TPRG1: variants seen among roughly 807,000 people sequenced by gnomAD.
TPRG1 encodes the protein tumor protein p63-regulated gene 1 protein.
A neutral mutation model predicts 29.3 loss-of-function variants in TPRG1; 29 were observed. The ratio of observed to expected loss-of-function variants is 0.99; its 90% CI spans 0.74 to 1.35. The LOEUF is 1.35. Ranked by LOEUF, TPRG1 falls within the 40% of genes most tolerant of loss-of-function variation. The probability of loss-of-function intolerance (pLI) is 0.00; values close to 1 mark genes in which losing one functional copy is unlikely to be tolerated. For synonymous variants in TPRG1, 130 were observed against 116.8 expected, an observed-to-expected ratio of 1.11 and a Z score of -0.73; for missense variants, 327 against 335.0, an observed-to-expected ratio of 0.98 and a Z score of 0.19.
At chr3:189,174,272 C>T (rs998542487) in intron 1 of TPRG1, among the ~76,000 whole-genome samples, 8 of 152,060 alleles carry the variant, frequency 5.3e-5, no homozygotes, top group Non-Finnish European at 8.8e-5. Flanking sequence ...AAAACTAGTT[C>T]CAAAGTATTT....
chr3:189,144,075 C>G (rs541099464), intron 3 of TPRG1, among the ~76,000 whole-genome samples: 1 of 152,300 alleles, frequency 6.6e-6, no homozygotes, highest in African/African-American at 2.4e-5. Context: ...ACATGTTTTA[C>G]TACGATTTTA....
At chr3:189,074,373 T>C (rs1717001336) in intron 4 of TPRG1, among the ~76,000 whole-genome samples, 1 of 151,718 alleles carries the variant, frequency 6.6e-6, no homozygotes, top group Non-Finnish European at 1.5e-5. Context: ...GCCCGGCTAA[T>C]TTTTTGTATT....
Position 189,129,126 on chromosome 3 carries a change from T to G in TPRG1, c.-590+1916T>G, listed in dbSNP as rs140864295. Among the ~76,000 whole-genome samples, 1,020 of 152,298 alleles carry G rather than the reference T, an allele frequency of 6.7e-3. 5 individuals carry two copies. Among genetic ancestry groups the G allele is most frequent in the Non-Finnish European group, 0.012 (811 of 68,018 alleles). ...ATGGACTTTATACATATTTCATCAATTTTTTCACAAATGTCCTTTCTTATT... is the reference window on the plus strand; with the variant it reads ...ATGGACTTTATACATATTTCATCAAGTTTTTCACAAATGTCCTTTCTTATT... On this transcript the variant is annotated intron_variant, in intron 2 of 6. Coordinates refer to the TPRG1 transcript ENST00000412373.
intron 3 of TPRG1, among the ~76,000 whole-genome samples, chr3:189,225,201 G>A (rs1217852221): frequency 1.3e-5 from 2 of 152,170 alleles, no homozygotes; most frequent in Non-Finnish European, 2.9e-5. Context: ...AAAGTGCTGG[G>A]ATTACAGGCG....
chr3:189,260,559 G>T (rs748069291), intron 4 of TPRG1, among the ~76,000 whole-genome samples: 5 of 152,190 alleles, frequency 3.3e-5, no homozygotes, highest in African/African-American at 4.8e-5. Flanking sequence ...GGAAAATATT[G>T]TTGCTGTCAC....
At chr3:189,058,866 A>C (rs776335599) in intron 4 of TPRG1, among the ~76,000 whole-genome samples, 1 of 152,190 alleles carries the variant, frequency 6.6e-6, no homozygotes, top group Non-Finnish European at 1.5e-5. Flanking sequence ...TATATTAACT[A>C]TAAGGCATAC....
At chr3:189,115,095 G>A (rs535048701) in intron 1 of TPRG1, among the ~76,000 whole-genome samples, 5 of 152,226 alleles carry the variant, frequency 3.3e-5, no homozygotes, top group South Asian at 2.1e-4. Flanking sequence ...AGAGGTTGTG[G>A]TTGTATTGTG....
chr3:189,158,353 A>C lies in TPRG1; in HGVS notation c.-10+7481A>C, dbSNP rs562067657. On this transcript the variant is annotated intron_variant, in intron 5 of 6. Coordinates refer to the TPRG1 transcript ENST00000412373. The stretch of plus-strand genomic sequence containing the variant: ...GCTGGGCGCGGTGGCTCACACCTGT[A>C]ATACCAGCACTTTGGGAGGCCAAGG... Among the ~76,000 whole-genome samples the C allele has an allele frequency of 4.6e-5, 7 of 152,254 alleles. No individual in the cohort carries two copies. In the South Asian group the frequency reaches 1.2e-3, roughly 27 times the overall value.
At chr3:189,129,087 C>G (rs549239405) in intron 2 of TPRG1, among the ~76,000 whole-genome samples, 3 of 152,328 alleles carry the variant, frequency 2.0e-5, no homozygotes, top group East Asian at 1.9e-4. Flanking sequence ...AACTTTAGTA[C>G]TATTCACTAA....
intron 1 of TPRG1, among the ~76,000 whole-genome samples, chr3:189,194,863 T>C (rs1232837832): frequency 2.6e-5 from 4 of 152,116 alleles, no homozygotes; most frequent in African/African-American, 9.7e-5. Flanking sequence ...ATCTGAGCCC[T>C]GGAGCTGGGC....
intron 1 of TPRG1, among the ~76,000 whole-genome samples, chr3:189,000,026 T>C (rs556685170): frequency 3.9e-5 from 6 of 152,280 alleles, no homozygotes; most frequent in East Asian, 3.9e-4. Flanking sequence ...TAGCCAAATT[T>C]GGATACTATA....
At chr3:189,141,072 G>A (rs1027096251) in intron 3 of TPRG1, among the ~76,000 whole-genome samples, 3 of 152,190 alleles carry the variant, frequency 2.0e-5, no homozygotes, top group African/African-American at 4.8e-5. Context: ...TTAACAAATA[G>A]CAGTTTTCAG....
chr3:189,141,309 T>C (rs1578506213), intron 3 of TPRG1, among the ~76,000 whole-genome samples: 1 of 152,302 alleles, frequency 6.6e-6, no homozygotes, highest in East Asian at 1.9e-4. Flanking sequence ...TCCTCCAACA[T>C]TTAAAGGGCA....
At chr3:189,187,636 T>G (rs1731127313) in intron 1 of TPRG1, among the ~76,000 whole-genome samples, 1 of 152,174 alleles carries the variant, frequency 6.6e-6, no homozygotes, top group Non-Finnish European at 1.5e-5. Flanking sequence ...TCTTATACTG[T>G]CCTGTAAGAT....
chr3:188,999,465 G>C (rs80229237), intron 1 of TPRG1, among the ~76,000 whole-genome samples: 269 of 152,332 alleles, frequency 1.8e-3, no homozygotes, highest in African/African-American at 6.3e-3. Flanking sequence ...AGTATGGACA[G>C]TATGCACAGG....
intron 3 of TPRG1, among the ~76,000 whole-genome samples, chr3:189,228,874 G>T (rs1372275242): frequency 1.3e-5 from 2 of 151,962 alleles, no homozygotes; most frequent in Admixed American, 1.3e-4. Flanking sequence ...AAATTATAAG[G>T]AGTCTACCAA....
chr3:189,225,813 T>C (rs1020691683), intron 3 of TPRG1, among the ~76,000 whole-genome samples: 1 of 152,220 alleles, frequency 6.6e-6, no homozygotes, highest in African/African-American at 2.4e-5. Context: ...GACAGAACTT[T>C]ACAGTCCAAG....
chr3:189,099,467 A>AT (rs1718924967), upstream of TPRG1, among the ~76,000 whole-genome samples: 1 of 151,786 alleles, frequency 6.6e-6, no homozygotes, highest in Non-Finnish European at 1.5e-5. Flanking sequence ...TTAGTTTTGC[A>AT]TTTTTCATCT....
At chr3:189,207,706 C>T (rs967138954) in intron 2 of TPRG1, 112 bp downstream of exon 2, 30 of 996,304 alleles carry the variant, frequency 3.0e-5, no homozygotes, top group Admixed American at 6.2e-5. Context: ...CTCATGTAAT[C>T]GTCATAATAA....
Sources: gnomAD v4.1 joint callset for allele counts (sites outside exome capture counted in the v4.1 genomes callset) on GRCh38, gnomAD v4.1.1 for gene constraint, MANE v1.5 for transcripts, NCBI Gene and HGNC (gene_info 2026-07-23, HGNC 2026-07-21) for gene names.